CDH4: variants seen among roughly 807,000 people sequenced by gnomAD.
CDH4 encodes cadherin-4.
In CDH4, 33 loss-of-function variants were observed where a neutral mutation model predicts 86.0. That is an observed-to-expected ratio of 0.38 (90% confidence interval 0.29 to 0.51). CDH4 has a LOEUF of 0.51. CDH4 is among the 20% of genes least tolerant of loss of function. CDH4 has a pLI of 0.86. For missense variants in CDH4, 1,114 were observed against 1,307.4 expected (o/e 0.85, Z 2.28); for synonymous variants, 555 against 549.4 (o/e 1.01, Z -0.14).
chr20:61,921,279 A>G (rs28416886), intron 9 of CDH4, among the ~76,000 whole-genome samples: 7 of 144,424 alleles, frequency 4.8e-5, no homozygotes, highest in East Asian at 4.3e-4. Flanking sequence ...GTGGTGTCAC[A>G]GTGATTGCAT....
intron 2 of CDH4, among the ~76,000 whole-genome samples, chr20:61,476,111 G>A (rs1462085688): frequency 4.1e-4 from 62 of 152,202 alleles, no homozygotes; most frequent in Admixed American, 3.9e-3. Flanking sequence ...GAGGACACGC[G>A]GTGGTTCTCC....
At chr20:61,790,344 T>G (rs1205389718) in intron 4 of CDH4, among the ~76,000 whole-genome samples, 1 of 151,564 alleles carries the variant, frequency 6.6e-6, no homozygotes, top group Non-Finnish European at 1.5e-5. Context: ...CATTCATCCA[T>G]TTGTCTCTTC....
At chr20:61,366,272 T>G (rs2084810428) in intron 2 of CDH4, among the ~76,000 whole-genome samples, 3 of 152,246 alleles carry the variant, frequency 2.0e-5, no homozygotes, top group African/African-American at 7.2e-5. Flanking sequence ...GAGGTCATTC[T>G]AAGACGAGAT....
intron 3 of CDH4, among the ~76,000 whole-genome samples, chr20:61,744,122 T>G (rs996599511): frequency 3.3e-5 from 5 of 152,300 alleles, no homozygotes; most frequent in Middle Eastern, 3.4e-3. Flanking sequence ...GAATCTCTCC[T>G]ACCTCCCGAA....
rs200369858 is a variant in CDH4, at chr20:61,784,436, A to G, written c.576+11254A>G. 3.9e-3 allele frequency among the ~76,000 whole-genome samples: 29 copies of G among 7,462 alleles called. 5 individuals are homozygous for G. The South Asian group carries it at 0.13, about 35-fold the overall frequency. 4.9% of individuals were successfully genotyped at this position (7,462 alleles called of 152,430 possible). A position where few individuals can be genotyped will look rare whatever the true frequency, so the allele number is the denominator to read the frequency against. ...GGCCCTCAGATGTCCTGTGCCCCCA[A>G]GAGAAATGTAATCCCAGTTCCTCGG... is the stretch of plus-strand genomic sequence containing the variant. On this transcript the variant is annotated intron_variant, in intron 4 of 15. Transcript: ENST00000614565.
rs77562574 is a variant in CDH4, at chr20:61,754,778, CACACACACACT to C, written c.396+10990_396+11000del. ...CACACACAGTGCATGCCACACACACCACACACACACTGCACGCCACACACACCACACACACG... is the reference window on the plus strand; with the variant it reads ...CACACACAGTGCATGCCACACACACCGCACGCCACACACACCACACACACG... On this transcript the variant is annotated intron_variant, in intron 3 of 15. Coordinates refer to ENST00000614565, the MANE Select transcript of CDH4 (RefSeq NM_001794.5). The surrounding 1 kb of genome is among the most constrained non-coding windows in gnomAD (Gnocchi z 4.7). Among the ~76,000 whole-genome samples, 12,942 of 148,464 alleles carry C rather than the reference CACACACACACT, an allele frequency of 0.087. 734 individuals carry two copies. The highest frequency in any genetic ancestry group is 0.21 in the South Asian group (957 of 4,604).
intron 7 of CDH4, among the ~76,000 whole-genome samples, chr20:61,890,515 G>A (rs55696746): frequency 0.02 from 3,012 of 151,844 alleles, 87 homozygotes; most frequent in African/African-American, 0.067. Flanking sequence ...GATGATGGAT[G>A]CTGGACAGGT....
intron 2 of CDH4, among the ~76,000 whole-genome samples, chr20:61,432,616 A>G (rs181069860): frequency 6.6e-6 from 1 of 152,170 alleles, no homozygotes; most frequent in East Asian, 1.9e-4. Context: ...TATATATTTC[A>G]ATATACATAT....
chr20:61,492,298 G>T (rs1476029167), intron 2 of CDH4, among the ~76,000 whole-genome samples: 1 of 148,018 alleles, frequency 6.8e-6, no homozygotes, highest in African/African-American at 2.4e-5. Context: ...GTTGATGTTG[G>T]TGTTGATGTA....
intron 2 of CDH4, among the ~76,000 whole-genome samples, chr20:61,497,699 A>G (rs1273405823): frequency 6.6e-5 from 10 of 152,182 alleles, no homozygotes. Context: ...CAGCCATCCT[A>G]TTACTGGGTA....
At chr20:61,734,203 G>T (rs758638301) in intron 2 of CDH4, among the ~76,000 whole-genome samples, 9 of 152,370 alleles carry the variant, frequency 5.9e-5, no homozygotes, top group Non-Finnish European at 1.2e-4. Flanking sequence ...GGGGCTGGGG[G>T]GAGATGTGAA....
At chr20:61,426,512 A>G (rs1461948466) in intron 2 of CDH4, among the ~76,000 whole-genome samples, 1 of 152,204 alleles carries the variant, frequency 6.6e-6, no homozygotes, top group African/African-American at 2.4e-5. Context: ...AGCTTCAGCA[A>G]CTGCAGAAGA....
intron 2 of CDH4, among the ~76,000 whole-genome samples, chr20:61,689,709 G>A (rs188297492): frequency 6.6e-6 from 1 of 151,698 alleles, no homozygotes; most frequent in East Asian, 2.0e-4. Flanking sequence ...ACAGTGATTG[G>A]TGAGGTGATG....
chr20:61,738,023 T>G lies in CDH4; in HGVS notation c.170-5540T>G, dbSNP rs112541339. Among the ~76,000 whole-genome samples, 1,156 of 152,244 alleles carry G rather than the reference T, an allele frequency of 7.6e-3. 13 individuals carry two copies. The highest frequency in any genetic ancestry group is 0.031 in the South Asian group (151 of 4,812). Reference sequence around the variant, plus strand: ...TGCTGGGACCCTGAGGTTCCATGCCTGTGGCTCTGGTGTGAGGACAGCAGG... The same window carrying G: ...TGCTGGGACCCTGAGGTTCCATGCCGGTGGCTCTGGTGTGAGGACAGCAGG... On this transcript the variant is annotated intron_variant, in intron 2 of 15. Transcript: ENST00000614565.
intron 2 of CDH4, among the ~76,000 whole-genome samples, chr20:61,621,945 C>T (rs145330863): frequency 6.6e-5 from 10 of 152,330 alleles, no homozygotes; most frequent in African/African-American, 2.2e-4. Context: ...AAAATAGGCT[C>T]CTGTCAAAGC....
rs1319494106 is a variant in CDH4 at position 61,333,247 on chromosome 20, A to G, written c.169+78310A>G. On this transcript the variant is annotated intron_variant, in intron 2 of 15. Coordinates refer to ENST00000614565, the MANE Select transcript of CDH4 (RefSeq NM_001794.5). Reference sequence around the variant, plus strand: ...CACGCATGCACACATATGCACAGGCACATGCACACACACATGTACACACAC... The same window carrying G: ...CACGCATGCACACATATGCACAGGCGCATGCACACACACATGTACACACAC... 5.1e-5 allele frequency among the ~76,000 whole-genome samples: 7 copies of G among 137,386 alleles called. No homozygotes were observed. In the South Asian group the frequency reaches 1.5e-3, roughly 29 times the overall value. The allele number at this position is 137,386 out of a possible 152,430, so 90.1% of individuals were successfully genotyped here.
At chr20:61,304,822 C>T (rs1178721827) in intron 2 of CDH4, among the ~76,000 whole-genome samples, 1 of 150,708 alleles carries the variant, frequency 6.6e-6, no homozygotes, top group African/African-American at 2.4e-5. Flanking sequence ...GATGTGTGTA[C>T]AGTGTGTCCT....
At chr20:61,668,277 G>A (rs1309594737) in intron 2 of CDH4, among the ~76,000 whole-genome samples, 1 of 152,212 alleles carries the variant, frequency 6.6e-6, no homozygotes, top group African/African-American at 2.4e-5. Flanking sequence ...GTGGGTGGAT[G>A]TTTATCCCTC....
intron 2 of CDH4, among the ~76,000 whole-genome samples, chr20:61,560,316 G>A (rs1270355405): frequency 1.3e-5 from 2 of 152,224 alleles, no homozygotes; most frequent in Non-Finnish European, 2.9e-5. Flanking sequence ...ATTGCCTGAT[G>A]TCTACATGTA....
Sources: allele counts gnomAD v4.1 joint callset (sites outside exome capture counted in the v4.1 genomes callset), GRCh38; gene constraint gnomAD v4.1.1; non-coding constraint Gnocchi (gnomAD v3.1); transcripts MANE v1.5; gene names NCBI Gene and HGNC (gene_info 2026-07-23, HGNC 2026-07-21).